Variants in SLC1A2 observed in about 807,000 individuals in gnomAD.
SLC1A2 encodes the protein excitatory amino acid transporter 2.
Under a neutral mutation model 48.8 loss-of-function variants are expected in SLC1A2, and 15 were observed. The observed-to-expected ratio is 0.31, with a 90% CI of 0.21 to 0.47. The LOEUF (loss-of-function observed/expected upper bound fraction) is 0.47. Ranked by LOEUF, SLC1A2 falls within the 20% of genes least tolerant of loss-of-function variation. The pLI is 0.99. For missense variants in SLC1A2, 502 were observed against 730.5 expected (o/e 0.69, Z 3.61); for synonymous variants, 279 against 272.6 (o/e 1.02, Z -0.23).
At chr11:35,324,226 G>C (rs987108587) in intron 1 of SLC1A2, among the ~76,000 whole-genome samples, 1 of 152,238 alleles carries the variant, frequency 6.6e-6, no homozygotes, top group Admixed American at 6.5e-5. Context: ...CAAAGTAGCA[G>C]GAGACAAAGT....
rs1950297288 is a variant in SLC1A2, at chr11:35,255,181, A to G, written c.*5713T>C. On this transcript the variant is annotated 3_prime_UTR_variant, in exon 11 of 11. Transcript: ENST00000278379. ...ACACAACAAATACCAACACTACTCT[A>G]TTTAGCAGAAGTTTGGACAAACAGC... The G allele has an allele frequency of 4.8e-6, 1 of 207,862 alleles. No homozygotes were observed. Among genetic ancestry groups the G allele is most frequent in the Admixed American group, 5.4e-5 (1 of 18,576 alleles). 12.9% of individuals were successfully genotyped at this position (207,862 alleles called of 1,614,324 possible). A position where few individuals can be genotyped will look rare whatever the true frequency, so the allele number is the denominator to read the frequency against.
intron 1 of SLC1A2, among the ~76,000 whole-genome samples, chr11:35,350,239 C>A (rs1322465165): frequency 6.6e-6 from 1 of 152,200 alleles, no homozygotes; most frequent in Non-Finnish European, 1.5e-5. Context: ...TGAGCTTCTG[C>A]CTTTAATTTT....
chr11:35,326,264 C>A (rs886864710), intron 1 of SLC1A2, among the ~76,000 whole-genome samples: 5 of 152,160 alleles, frequency 3.3e-5, no homozygotes, highest in East Asian at 3.9e-4. Flanking sequence ...CTAAATTGGA[C>A]CCTCCAAAAT....
rs938449464 is a variant in SLC1A2 at position 35,384,146 on chromosome 11, T to C, written c.17+34804A>G. 2.0e-5 allele frequency among the ~76,000 whole-genome samples: 3 copies of C among 152,212 alleles called. No individual in the cohort carries two copies. The South Asian group carries it at 6.2e-4, about 32-fold the overall frequency. ...AAGAGGAGAGTATCATATTGCTAAG[T>C]ATAGATATCTCATGGAATCCAAGAA... On this transcript the variant is annotated intron_variant, in intron 1 of 10. Transcript: ENST00000278379.
chr11:35,266,330 G>A (rs544472661), intron 9 of SLC1A2, among the ~76,000 whole-genome samples: 3 of 152,000 alleles, frequency 2.0e-5, no homozygotes, highest in African/African-American at 4.8e-5. Context: ...ACACACAGAC[G>A]CAGCTGTTAG....
chr11:35,262,558 AG>A (rs1950409712), intron 10 of SLC1A2, among the ~76,000 whole-genome samples: 1 of 152,252 alleles, frequency 6.6e-6, no homozygotes, highest in East Asian at 1.9e-4. Flanking sequence ...AGTGGGAAAT[AG>A]TGAGACAGAA....
chr11:35,399,092 A>C (rs1016290144), intron 1 of SLC1A2, among the ~76,000 whole-genome samples: 2 of 152,178 alleles, frequency 1.3e-5, no homozygotes, highest in East Asian at 3.8e-4. Flanking sequence ...AGTTACTCAC[A>C]AAATAAAAAT....
chr11:35,267,648 A>C (rs1850135683), intron 9 of SLC1A2, among the ~76,000 whole-genome samples: 1 of 152,152 alleles, frequency 6.6e-6, no homozygotes, highest in Non-Finnish European at 1.5e-5. Context: ...TTTGTCCGTT[A>C]TACAGTTGTG....
At chr11:35,388,080 C>T (rs1423243918) in intron 1 of SLC1A2, among the ~76,000 whole-genome samples, 1 of 152,192 alleles carries the variant, frequency 6.6e-6, no homozygotes, top group Non-Finnish European at 1.5e-5. Flanking sequence ...AATTTATACC[C>T]AAGTCTGCCT....
At chr11:35,379,525 G>T (rs1854354746) in intron 1 of SLC1A2, among the ~76,000 whole-genome samples, 1 of 152,190 alleles carries the variant, frequency 6.6e-6, no homozygotes, top group Non-Finnish European at 1.5e-5. Context: ...CTAGCAATTT[G>T]GGAGCTTAGA....
intron 1 of SLC1A2, among the ~76,000 whole-genome samples, chr11:35,365,789 C>T (rs897355132): frequency 6.6e-6 from 1 of 152,170 alleles, no homozygotes; most frequent in African/African-American, 2.4e-5. Context: ...TCGAGGCATC[C>T]ACAATTTATT....
intron 9 of SLC1A2, among the ~76,000 whole-genome samples, chr11:35,267,189 G>A (rs1048041597): frequency 1.3e-5 from 2 of 152,162 alleles, no homozygotes; most frequent in South Asian, 2.1e-4. Context: ...GCCCCAGTAC[G>A]TGGGTTTAGG....
intron 1 of SLC1A2, among the ~76,000 whole-genome samples, chr11:35,360,300 C>T (rs1853630909): frequency 6.6e-6 from 1 of 152,202 alleles, no homozygotes; most frequent in African/African-American, 2.4e-5. Context: ...CATCTTTGGC[C>T]TTTGATGTCC....
intron 1 of SLC1A2, among the ~76,000 whole-genome samples, chr11:35,330,084 C>G (rs1852381323): frequency 6.6e-6 from 1 of 152,220 alleles, no homozygotes; most frequent in African/African-American, 2.4e-5. Context: ...GGTGCACACA[C>G]TTAATCACGA....
intron 7 of SLC1A2, among the ~76,000 whole-genome samples, chr11:35,287,963 A>T (rs1460270574): frequency 6.6e-6 from 1 of 152,180 alleles, no homozygotes. Context: ...TGCAATGCAG[A>T]TAACATTTGG....
chr11:35,292,156 T>C (rs1851030714), intron 7 of SLC1A2, 131 bp downstream of exon 7: 1 of 714,234 alleles, frequency 1.4e-6, no homozygotes, highest in Admixed American at 2.5e-5. Context: ...ATTCGCCTTT[T>C]CCAAAAGATC....
intron 1 of SLC1A2, among the ~76,000 whole-genome samples, chr11:35,324,085 G>A (rs1024950055): frequency 6.6e-6 from 1 of 152,230 alleles, no homozygotes; most frequent in Non-Finnish European, 1.5e-5. Flanking sequence ...AAGATAAGAT[G>A]AGAAATCGAA....
chr11:35,330,555 G>A (rs1176792316), intron 1 of SLC1A2, among the ~76,000 whole-genome samples: 3 of 152,186 alleles, frequency 2.0e-5, no homozygotes, highest in African/African-American at 4.8e-5. Context: ...TGGCAAAGGG[G>A]CTCTAAGGCT....
At chr11:35,277,775 A>T (rs1226507965) in intron 9 of SLC1A2, among the ~76,000 whole-genome samples, 1 of 105,508 alleles carries the variant, frequency 9.5e-6, no homozygotes, top group Non-Finnish European at 2.2e-5. Flanking sequence ...CTTTCTTTTC[A>T]TGTGGATGGA....
Sources: gnomAD v4.1 joint callset for allele counts (sites outside exome capture counted in the v4.1 genomes callset) on GRCh38, gnomAD v4.1.1 for gene constraint, MANE v1.5 for transcripts, NCBI Gene and HGNC (gene_info 2026-07-23, HGNC 2026-07-21) for gene names.